The following ABLIM2 variants were observed in gnomAD, a reference collection of about 807,000 sequenced individuals.
ABLIM2 encodes the protein actin binding LIM protein family member 2, also known as actin-binding LIM protein 2.
Under a neutral mutation model 97.7 loss-of-function variants are expected in ABLIM2, and 53 were observed. The observed-to-expected ratio is 0.54, with a 90% CI of 0.44 to 0.68. The LOEUF (loss-of-function observed/expected upper bound fraction) is 0.68. Ranked by LOEUF, ABLIM2 falls within the 30% of genes least tolerant of loss-of-function variation. ABLIM2 has a pLI of 0.00. For missense variants in ABLIM2, 835 were observed against 867.2 expected, an observed-to-expected ratio of 0.96 and a Z score of 0.47; for synonymous variants, 361 against 345.8, an observed-to-expected ratio of 1.04 and a Z score of -0.49.
In ABLIM2 at chr4:8,155,105, G is replaced by A. The variant is rs762588160; in HGVS notation, c.10+3575C>T. ...TATTACAACTCAAGGTAAGATGTGG[G>A]TGGGGACACAGCCAGACCGTATCAG... On this transcript the variant is annotated intron_variant, in intron 1 of 20. Transcript: ENST00000447017. The surrounding 1 kb of genome is among the most constrained non-coding windows in gnomAD (Gnocchi z 4.2). Among the ~76,000 whole-genome samples, 1 of 152,330 alleles carries A rather than the reference G, an allele frequency of 6.6e-6. No homozygotes were observed. The highest frequency in any genetic ancestry group is 1.5e-5 in the Non-Finnish European group (1 of 68,038).
rs1192754925 is a variant in ABLIM2 at position 8,122,670 on chromosome 4, C to T, written c.11-16033G>A. ...TGAATGCTAGGGGAACATGAACATT[C>T]ACTTCTTAACACCATCCACTGTCAG... On this transcript the variant is annotated intron_variant, in intron 1 of 20. Coordinates refer to ENST00000447017, the MANE Select transcript of ABLIM2 (RefSeq NM_001130083.2). This position sits in a 1 kb window ranked among gnomAD's most constrained non-coding sequence, Gnocchi z 4.1. Among the ~76,000 whole-genome samples the T allele has an allele frequency of 6.6e-6, 1 of 152,196 alleles. No individual in the cohort carries two copies. The highest frequency in any genetic ancestry group is 2.4e-5 in the African/African-American group (1 of 41,442).
rs962069145 is a variant in ABLIM2 at position 7,999,127 on chromosome 4, G to A, written c.1619-6200C>T. Reference sequence around the variant, plus strand: ...GTTCCCCGGGCTGGAGTACAATGGCGTGATCTTGGCTCACTGCAACCTCCT... The same window carrying A: ...GTTCCCCGGGCTGGAGTACAATGGCATGATCTTGGCTCACTGCAACCTCCT... On this transcript the variant is annotated intron_variant, in intron 16 of 20. Coordinates refer to ENST00000447017, the MANE Select transcript of ABLIM2 (RefSeq NM_001130083.2). The surrounding 1 kb of genome is among the most constrained non-coding windows in gnomAD (Gnocchi z 4.4). Among the ~76,000 whole-genome samples the A allele has an allele frequency of 1.3e-5, 2 of 152,124 alleles. No homozygotes were observed. Among genetic ancestry groups the A allele is most frequent in the Non-Finnish European group, 1.5e-5 (1 of 68,022 alleles).
At position 8,015,960 on chromosome 4, in the gene ABLIM2, T is replaced by G. The variant is rs2150717678; in HGVS notation, c.1423+3658A>C. ...TGATAAAATCACCACACTTCCTCAT[T>G]TTATAAGTTCAAATCAGATATGAGA... On this transcript the variant is annotated intron_variant, in intron 14 of 20. Transcript: ENST00000447017. This position sits in a 1 kb window ranked among gnomAD's most constrained non-coding sequence, Gnocchi z 4.6. Among the ~76,000 whole-genome samples the G allele has an allele frequency of 6.6e-6, 1 of 152,204 alleles. No homozygotes were observed. Among genetic ancestry groups the G allele is most frequent in the Non-Finnish European group, 1.5e-5 (1 of 68,014 alleles).
At chr4:8,088,356 C>A in intron 3 of ABLIM2, 72 bp from the exon 4 acceptor site, 2 of 1,215,308 alleles carry the variant, frequency 1.6e-6, no homozygotes, top group South Asian at 1.3e-5. Context: ...TGTCCCAGTG[C>A]AGGAGACCAG....
At chr4:7,967,841 G>A (rs966960252) in intron 20 of ABLIM2, among the ~76,000 whole-genome samples, 25 of 152,220 alleles carry the variant, frequency 1.6e-4, no homozygotes, top group African/African-American at 3.9e-4. Context: ...GGAGGAAGGC[G>A]TGGACATAGG....
Position 7,997,773 on chromosome 4 carries a change from T to C in ABLIM2, c.1619-4846A>G, listed in dbSNP as rs182414243. Among the ~76,000 whole-genome samples the C allele has an allele frequency of 1.3e-3, 197 of 152,362 alleles. 1 individual carries two copies. The highest frequency in any genetic ancestry group is 4.6e-3 in the African/African-American group (193 of 41,582). Reference sequence around the variant, plus strand: ...CATCAGCTACTGTTTCTAAACTATTTGTAATTGCTTGTTGAAGCATTTTTT... The same window carrying C: ...CATCAGCTACTGTTTCTAAACTATTCGTAATTGCTTGTTGAAGCATTTTTT... On this transcript the variant is annotated intron_variant, in intron 16 of 20. Transcript: ENST00000447017.
In ABLIM2 at chr4:8,127,328, G is replaced by A. The variant is rs1053656090; in HGVS notation, c.11-20691C>T. Among the ~76,000 whole-genome samples, 3 of 152,206 alleles carry A rather than the reference G, an allele frequency of 2.0e-5. No homozygotes were observed. The highest frequency in any genetic ancestry group is 7.2e-5 in the African/African-American group (3 of 41,458). On this transcript the variant is annotated intron_variant, in intron 1 of 20. Coordinates refer to ENST00000447017, the MANE Select transcript of ABLIM2 (RefSeq NM_001130083.2). This position sits in a 1 kb window ranked among gnomAD's most constrained non-coding sequence, Gnocchi z 7.3. The stretch of plus-strand genomic sequence containing the variant: ...GTCACCCTCCTCACCCCACAGTGCT[G>A]TCCATAGAGAGTGTCCCCGAAGCCT...
rs975181893 is a variant in ABLIM2 at position 7,992,349 on chromosome 4, C to T, written c.1680+517G>A. On this transcript the variant is annotated intron_variant, in intron 17 of 20. Coordinates refer to ENST00000447017, the MANE Select transcript of ABLIM2 (RefSeq NM_001130083.2). This position sits in a 1 kb window ranked among gnomAD's most constrained non-coding sequence, Gnocchi z 5.7. ...AGCTAGGGGCAGCCAAAGAGCCTGA[C>T]TTCAAGTTAATCCAATCTCCGTGCA... Among the ~76,000 whole-genome samples the T allele has an allele frequency of 2.0e-5, 3 of 152,182 alleles. No individual in the cohort carries two copies. The highest frequency in any genetic ancestry group is 4.4e-5 in the Non-Finnish European group (3 of 68,022).
rs955278980 is a variant in ABLIM2 at position 8,015,002 on chromosome 4, C to T, written c.1423+4616G>A. Among the ~76,000 whole-genome samples the T allele has an allele frequency of 6.6e-6, 1 of 151,880 alleles. No homozygotes were observed. The highest frequency in any genetic ancestry group is 2.4e-5 in the African/African-American group (1 of 41,334). On this transcript the variant is annotated intron_variant, in intron 14 of 20. Coordinates refer to ENST00000447017, the MANE Select transcript of ABLIM2 (RefSeq NM_001130083.2). This position sits in a 1 kb window ranked among gnomAD's most constrained non-coding sequence, Gnocchi z 4.6. ...ATGGCACTAACTCGGCTCACTGCAA[C>T]CTCCGCCTCCCAGGTTCAAGCAATT...
intron 3 of ABLIM2, among the ~76,000 whole-genome samples, chr4:8,088,888 C>A (rs912628476): frequency 2.0e-5 from 3 of 152,160 alleles, no homozygotes; most frequent in African/African-American, 7.2e-5. Flanking sequence ...AGAATCAAAC[C>A]AAGACCTGTC....
At position 8,036,235 on chromosome 4, in the gene ABLIM2, C is replaced by A; in HGVS notation, c.961G>T (p.Ala321Ser). The A allele has an allele frequency of 6.2e-7, 1 of 1,613,848 alleles. No homozygotes were observed. The highest frequency in any genetic ancestry group is 8.5e-7 in the Non-Finnish European group (1 of 1,179,792). Reference protein sequence around the residue: ...RDLAALPKSKAIYDIDRPDMI... With the variant: ...RDLAALPKSKSIYDIDRPDMI... ...TCGGGGCGGTCGATGTCATAGATGGCCTTACTTTTAGGAAGGGCTGCCAAG... is the reference window on the plus strand; with the variant it reads ...TCGGGGCGGTCGATGTCATAGATGGACTTACTTTTAGGAAGGGCTGCCAAG... Residue 321 changes from alanine (A) to serine (S), a missense_variant, in exon 10 of 21, where the codon GCC becomes TCC. By Grantham distance (99) the Ala-to-Ser change is moderately conservative. Coordinates refer to ENST00000447017, the MANE Select transcript of ABLIM2 (RefSeq NM_001130083.2).
intron 17 of ABLIM2, 150 bp from the exon 18 acceptor site, chr4:7,985,043 A>G: frequency 1.3e-6 from 1 of 753,640 alleles, no homozygotes; most frequent in Non-Finnish European, 2.2e-6. Flanking sequence ...GGGGCGTGAC[A>G]GAAGGACAGC....
chr4:7,967,778 G>C (rs1724126170), intron 20 of ABLIM2, among the ~76,000 whole-genome samples: 1 of 152,248 alleles, frequency 6.6e-6, no homozygotes, highest in Non-Finnish European at 1.5e-5. Context: ...TGGAGCCTCA[G>C]TCTGCTCATC....
At chr4:8,013,468 C>G (rs1766496035) in intron 14 of ABLIM2, among the ~76,000 whole-genome samples, 1 of 152,202 alleles carries the variant, frequency 6.6e-6, no homozygotes, top group Non-Finnish European at 1.5e-5. Flanking sequence ...AAATGATCCA[C>G]CTGCCTCAGC....
intron 14 of ABLIM2, among the ~76,000 whole-genome samples, chr4:8,014,537 C>T (rs1012527027): frequency 6.6e-6 from 1 of 152,144 alleles, no homozygotes; most frequent in African/African-American, 2.4e-5. Context: ...ACAGCATGGG[C>T]GTTGGAAACT....
chr4:8,059,922 A>C (rs1801841367), intron 7 of ABLIM2, among the ~76,000 whole-genome samples: 2 of 106,258 alleles, frequency 1.9e-5, no homozygotes, highest in Admixed American at 2.2e-4. Context: ...AAAAAAAAAA[A>C]AAAAACCCCA....
intron 16 of ABLIM2, among the ~76,000 whole-genome samples, chr4:7,997,928 C>G (rs1381744801): frequency 6.6e-6 from 1 of 151,452 alleles, no homozygotes; most frequent in African/African-American, 2.4e-5. Context: ...GTTGCCCAGG[C>G]TGGAGTGCAA....
At chr4:8,030,128 A>AGT (rs1223698019) in intron 10 of ABLIM2, among the ~76,000 whole-genome samples, 2 of 152,116 alleles carry the variant, frequency 1.3e-5, no homozygotes, top group Non-Finnish European at 2.9e-5. Flanking sequence ...CTTAGAACAC[A>AGT]GTGTGAGAAC....
At position 8,061,574 on chromosome 4, in the gene ABLIM2, T is replaced by C. The variant is rs1803121222; in HGVS notation, c.676-520A>G. ...TTGTTTTTATCATTCTTGAAGTTTA[T>C]TAAATTAGACTACAAATGCTAATAC... On this transcript the variant is annotated intron_variant, in intron 6 of 20. Transcript: ENST00000447017. This position sits in a 1 kb window ranked among gnomAD's most constrained non-coding sequence, Gnocchi z 4.5. 6.6e-6 allele frequency among the ~76,000 whole-genome samples: 1 copy of C among 151,988 alleles called. No individual in the cohort carries two copies. Among genetic ancestry groups the C allele is most frequent in the Non-Finnish European group, 1.5e-5 (1 of 68,006 alleles).
Sources: gnomAD v4.1 joint callset for allele counts (sites outside exome capture counted in the v4.1 genomes callset) on GRCh38, gnomAD v4.1.1 for gene constraint, Gnocchi (gnomAD v3.1) non-coding constraint, MANE v1.5 for transcripts, NCBI Gene and HGNC (gene_info 2026-07-23, HGNC 2026-07-21) for gene names.